The following THUMPD2 variants were observed in gnomAD, a reference collection of about 807,000 sequenced individuals.
THUMPD2 encodes THUMP domain 2 tRNA and snRNA guanosine methyltransferase.
THUMPD2 carries 56 observed loss-of-function variants against 49.4 expected under a neutral mutation model. The observed-to-expected ratio is 1.13, with a 90% confidence interval of 0.91 to 1.41. THUMPD2 has a LOEUF of 1.41. THUMPD2 is among the 40% of genes most tolerant of loss of function. THUMPD2 has a pLI of 0.00. For missense variants in THUMPD2, 709 were observed against 594.5 expected (o/e 1.19, Z -2.00); for synonymous variants, 237 against 205.2 (o/e 1.15, Z -1.32).
chr2:39,769,298 G>T, intron 3 of THUMPD2: 1 of 281,310 alleles, frequency 3.6e-6, no homozygotes, highest in Non-Finnish European at 7.3e-6. Flanking sequence ...GGAAAATGTA[G>T]TTTTAAAGAC....
rs1178180779 is a variant in THUMPD2, at chr2:39,736,654, T to C, written c.*81A>G. ...TGGTTACTTGGAGCTCTGTGGGTGCTATATGAATCCTAGAGACAGCAAACT... is the reference window on the plus strand; with the variant it reads ...TGGTTACTTGGAGCTCTGTGGGTGCCATATGAATCCTAGAGACAGCAAACT... On this transcript the variant is annotated 3_prime_UTR_variant, in exon 10 of 10. Coordinates refer to ENST00000505747, the MANE Select transcript of THUMPD2 (RefSeq NM_025264.5). The C allele has an allele frequency of 7.7e-7, 1 of 1,303,682 alleles. No homozygotes were observed. The highest frequency in any genetic ancestry group is 1.0e-6 in the Non-Finnish European group (1 of 959,902). 80.8% of individuals were successfully genotyped at this position (1,303,682 alleles called of 1,614,324 possible).
chr2:39,768,294 G>C (rs2148326993), intron 4 of THUMPD2, 130 bp downstream of exon 4: 1 of 731,174 alleles, frequency 1.4e-6, no homozygotes, highest in African/African-American at 1.8e-5. Flanking sequence ...AAGATAAAAT[G>C]GACTGTTGGA....
In THUMPD2 at chr2:39,736,504, A is replaced by AACTT; in HGVS notation, c.*227_*230dup. The AACTT allele has an allele frequency of 5.1e-6, 2 of 392,870 alleles. No homozygotes were observed. The highest frequency in any genetic ancestry group is 4.1e-5 in the Admixed American group (1 of 24,446). The allele number at this position is 392,870 out of a possible 1,614,324, so 24.3% of individuals were successfully genotyped here. The stretch of plus-strand genomic sequence containing the variant: ...CTTTTCACATTCTGACAGAAGATAA[A>AACTT]ACTTAAGTCTAAAAAATATTCGATA... On this transcript the variant is annotated 3_prime_UTR_variant, in exon 10 of 10. Coordinates refer to ENST00000505747, the MANE Select transcript of THUMPD2 (RefSeq NM_025264.5).
intron 8 of THUMPD2, among the ~76,000 whole-genome samples, chr2:39,745,960 G>GGACTT (rs1674525612): frequency 6.6e-6 from 1 of 151,798 alleles, no homozygotes; most frequent in African/African-American, 2.4e-5. Context: ...ACTAACTGTG[G>GGACTT]GACTTTGGGA....
At chr2:39,775,034 C>T (rs1355225410) in intron 1 of THUMPD2, among the ~76,000 whole-genome samples, 1 of 152,172 alleles carries the variant, frequency 6.6e-6, no homozygotes, top group Non-Finnish European at 1.5e-5. Flanking sequence ...AATTCCAGTG[C>T]TTTGGGAGGC....
chr2:39,770,238 A>G, intron 2 of THUMPD2, 119 bp from the exon 3 acceptor site: 1 of 655,378 alleles, frequency 1.5e-6, no homozygotes, highest in Non-Finnish European at 2.3e-6. Context: ...AAATTGCTAC[A>G]CGAATAACTT....
At chr2:39,759,463 C>T in intron 6 of THUMPD2, among the ~76,000 whole-genome samples, 1 of 152,008 alleles carries the variant, frequency 6.6e-6, no homozygotes, top group African/African-American at 2.4e-5. Context: ...TATTACTACT[C>T]TTTTCATCTT....
rs569361107 is a variant in THUMPD2, at chr2:39,769,988, G to A, written c.394C>T (p.Gln132Ter). The A allele has an allele frequency of 2.5e-6, 4 of 1,573,650 alleles. No individual in the cohort carries two copies. In the Admixed American group the frequency reaches 8.2e-5, roughly 32 times the overall value. Residue 132 changes from glutamine to a stop codon, truncating the protein, a stop_gained, in exon 3 of 10, where the codon CAA (glutamine) becomes TAA (stop). Transcript: ENST00000505747. LOFTEE classifies it high-confidence loss of function. ...TTTTCTCCCACTTTTCTTTTTAGTT[G>A]GTTATCATCTCTCTGAGAAAGTTTT... ...KEKLSQRDDN[Q>*]LKRKVGENEI...
intron 5 of THUMPD2, among the ~76,000 whole-genome samples, chr2:39,762,525 G>C (rs1349763542): frequency 6.6e-6 from 1 of 151,886 alleles, no homozygotes; most frequent in Non-Finnish European, 1.5e-5. Context: ...AAACCCATGG[G>C]AGTTTGGCTT....
chr2:39,776,394 A>ATTTTT, intron 1 of THUMPD2, among the ~76,000 whole-genome samples: 1 of 135,674 alleles, frequency 7.4e-6, no homozygotes, highest in Non-Finnish European at 1.6e-5. Context: ...TCAGTATACT[A>ATTTTT]TTTTTTTTTT....
At position 39,762,572 on chromosome 2, in the gene THUMPD2, T is replaced by C. The variant is rs145049623; in HGVS notation, c.804-1154A>G. Among the ~76,000 whole-genome samples, 1,041 of 152,050 alleles carry C rather than the reference T, an allele frequency of 6.8e-3. 12 individuals carry two copies. The highest frequency in any genetic ancestry group is 0.023 in the African/African-American group (972 of 41,472). ...TTTTTCAAGAAACAACAATTCACAT[T>C]GTAAACAGTACTGTATATATACATT... On this transcript the variant is annotated intron_variant, in intron 5 of 9. Coordinates refer to ENST00000505747, the MANE Select transcript of THUMPD2 (RefSeq NM_025264.5).
chr2:39,737,793 G>C (rs543207759), intron 9 of THUMPD2, among the ~76,000 whole-genome samples: 1 of 152,268 alleles, frequency 6.6e-6, no homozygotes, highest in South Asian at 2.1e-4. Flanking sequence ...GCAAAGCGAC[G>C]GCAAGCGGCT....
rs1558509741 is a variant in THUMPD2 at position 39,755,757 on chromosome 2, T to TAA, written c.963+131_963+132insTT. On this transcript the variant is annotated intron_variant, in intron 7 of 9. Coordinates refer to ENST00000505747, the MANE Select transcript of THUMPD2 (RefSeq NM_025264.5). ...TTCATTAGTCCCTCATCATCTATTTTGAGTAAATAATAACTCATATAATTA... is the reference window on the plus strand; with the variant it reads ...TTCATTAGTCCCTCATCATCTATTTTAAGAGTAAATAATAACTCATATAATTA... 9.5e-6 allele frequency: 4 copies of TAA among 422,906 alleles called. No homozygotes were observed. In the African/African-American group the frequency reaches 1.7e-4, roughly 18 times the overall value. The allele number at this position is 422,906 out of a possible 1,614,324, so 26.2% of individuals were successfully genotyped here. A position where few individuals can be genotyped will look rare whatever the true frequency, so the allele number is the denominator to read the frequency against.
At chr2:39,741,256 G>T (rs1324891460) in intron 9 of THUMPD2, among the ~76,000 whole-genome samples, 1 of 152,146 alleles carries the variant, frequency 6.6e-6, no homozygotes, top group Non-Finnish European at 1.5e-5. Flanking sequence ...TAAATTATTT[G>T]TCCATGGAAC....
At position 39,770,009 on chromosome 2, in the gene THUMPD2, G is replaced by T; in HGVS notation, c.373C>A (p.Leu125Ile). The T allele has an allele frequency of 1.3e-6, 2 of 1,574,578 alleles. No individual in the cohort carries two copies. Among genetic ancestry groups the T allele is most frequent in the South Asian group, 1.2e-5 (1 of 82,202 alleles). Reference sequence around the variant, plus strand: ...AGTTGGTTATCATCTCTCTGAGAAAGTTTTTCCTTTTTTGCATCAAGTTCA... The same window carrying T: ...AGTTGGTTATCATCTCTCTGAGAAATTTTTTCCTTTTTTGCATCAAGTTCA... ...LLELDAKKEK[L>I]SQRDDNQLKR... The change falls in exon 3 of 10, where the codon CTT becomes ATT. Residue 125 changes from leucine (L) to isoleucine (I), a missense_variant. Transcript: ENST00000505747.
intron 4 of THUMPD2, 93 bp downstream of exon 4, chr2:39,768,331 G>T: frequency 9.1e-7 from 1 of 1,100,374 alleles, no homozygotes; most frequent in Non-Finnish European, 1.4e-6. Context: ...TTTTATAACT[G>T]TAAAATAAAA....
intron 5 of THUMPD2, among the ~76,000 whole-genome samples, chr2:39,763,509 T>C (rs1020753004): frequency 2.6e-5 from 4 of 152,166 alleles, no homozygotes; most frequent in Non-Finnish European, 5.9e-5. Flanking sequence ...CTGTTTTCTT[T>C]CCCTACATTT....
intron 6 of THUMPD2, among the ~76,000 whole-genome samples, chr2:39,756,909 G>GTAA (rs147238410): frequency 0.03 from 4,271 of 143,570 alleles, 170 homozygotes; most frequent in African/African-American, 0.087. Flanking sequence ...AAGCTAAAAT[G>GTAA]TAATAATAAT....
intron 6 of THUMPD2, among the ~76,000 whole-genome samples, chr2:39,760,475 T>C (rs1260947793): frequency 6.6e-6 from 1 of 151,972 alleles, no homozygotes; most frequent in Admixed American, 6.6e-5. Flanking sequence ...TTGGTCAAAC[T>C]AGCGAAAATA....
Sources: gnomAD v4.1 joint callset for allele counts (sites outside exome capture counted in the v4.1 genomes callset) on GRCh38, gnomAD v4.1.1 for gene constraint, MANE v1.5 for transcripts, NCBI Gene and HGNC (gene_info 2026-07-23, HGNC 2026-07-21) for gene names.